Variants in PIK3AP1 observed in about 807,000 individuals in gnomAD.
The protein encoded by PIK3AP1 is phosphoinositide-3-kinase adaptor protein 1, also known as phosphoinositide 3-kinase adapter protein 1.
Under a neutral mutation model 88.1 loss-of-function variants are expected in PIK3AP1, and 21 were observed. That is an observed-to-expected ratio of 0.24 (90% CI 0.17 to 0.34). PIK3AP1 has a LOEUF of 0.34. PIK3AP1 is among the 10% of genes least tolerant of loss of function. The pLI is 1.00. For missense variants in PIK3AP1, 828 were observed against 1,035.7 expected, an observed-to-expected ratio of 0.80 and a Z score of 2.75; for synonymous variants, 398 against 400.0, an observed-to-expected ratio of 1.00 and a Z score of 0.06.
chr10:96,671,097 G>A (rs1843839909), intron 2 of PIK3AP1, among the ~76,000 whole-genome samples: 1 of 152,188 alleles, frequency 6.6e-6, no homozygotes, highest in South Asian at 2.1e-4. Flanking sequence ...TGTTTACACT[G>A]GCTATTTCCT....
chr10:96,662,618 C>T (rs4919051), intron 2 of PIK3AP1, among the ~76,000 whole-genome samples: 9,698 of 150,942 alleles, frequency 0.064, 571 homozygotes, highest in Admixed American at 0.17. Flanking sequence ...CGGTGGCTCA[C>T]GCCTGTAATC....
At chr10:96,713,339 T>C (rs369871167) in intron 1 of PIK3AP1, among the ~76,000 whole-genome samples, 8 of 136,140 alleles carry the variant, frequency 5.9e-5, no homozygotes, top group African/African-American at 1.3e-4. Context: ...CTATTAAAAA[T>C]ACAAAAAAAA....
intron 13 of PIK3AP1, among the ~76,000 whole-genome samples, chr10:96,615,879 A>G (rs1239783997): frequency 2.0e-5 from 3 of 151,434 alleles, no homozygotes; most frequent in Non-Finnish European, 2.9e-5. Context: ...AGCTGTGCAC[A>G]AACAGGGCTA....
intron 2 of PIK3AP1, among the ~76,000 whole-genome samples, chr10:96,683,474 A>G (rs1844028585): frequency 6.6e-6 from 1 of 152,244 alleles, no homozygotes; most frequent in African/African-American, 2.4e-5. Flanking sequence ...AAATGTACTG[A>G]CAAAAAAAAA....
chr10:96,602,448 A>G (rs778675184), intron 15 of PIK3AP1, 50 bp from the exon 16 acceptor site: 2 of 1,486,398 alleles, frequency 1.3e-6, no homozygotes, highest in South Asian at 1.1e-5. Flanking sequence ...TTCAGCAACC[A>G]GCATAGCTGG....
intron 7 of PIK3AP1, among the ~76,000 whole-genome samples, chr10:96,645,891 C>T (rs1843452885): frequency 1.3e-5 from 2 of 152,178 alleles, no homozygotes; most frequent in African/African-American, 2.4e-5. Context: ...TATCTTCCTA[C>T]AACACTAAGC....
chr10:96,628,183 T>C (rs1843178797), intron 9 of PIK3AP1, among the ~76,000 whole-genome samples: 1 of 152,104 alleles, frequency 6.6e-6, no homozygotes, highest in African/African-American at 2.4e-5. Context: ...AACAAGTGGC[T>C]CCACTGGTTG....
intron 16 of PIK3AP1, among the ~76,000 whole-genome samples, chr10:96,599,117 G>A (rs1346272988): frequency 6.6e-6 from 1 of 152,178 alleles, no homozygotes; most frequent in Non-Finnish European, 1.5e-5. Flanking sequence ...GGAAAGGAGG[G>A]CGGATCTGAC....
intron 6 of PIK3AP1, among the ~76,000 whole-genome samples, chr10:96,650,539 C>A (rs1843522896): frequency 6.6e-6 from 1 of 152,198 alleles, no homozygotes; most frequent in Non-Finnish European, 1.5e-5. Context: ...CCAGCCCTCA[C>A]TGAGCGGACA....
chr10:96,606,250 G>A (rs892217135), intron 14 of PIK3AP1, among the ~76,000 whole-genome samples: 1 of 152,076 alleles, frequency 6.6e-6, no homozygotes, highest in Non-Finnish European at 1.5e-5. Flanking sequence ...CAGGACAAAT[G>A]CTATCAAAAC....
intron 2 of PIK3AP1, among the ~76,000 whole-genome samples, chr10:96,688,906 A>G: frequency 6.6e-6 from 1 of 151,806 alleles, no homozygotes; most frequent in Middle Eastern, 3.2e-3. Flanking sequence ...CCCATCTTTC[A>G]CGTAGGTAGG....
intron 11 of PIK3AP1, among the ~76,000 whole-genome samples, 174 bp downstream of exon 11, chr10:96,623,298 A>G (rs996150987): frequency 2.6e-5 from 4 of 152,068 alleles, no homozygotes; most frequent in African/African-American, 9.7e-5. Flanking sequence ...CCTGGCCTCG[A>G]GTGATTCACC....
At position 96,720,088 on chromosome 10, in the gene PIK3AP1, C is replaced by A. The variant is rs566931727; in HGVS notation, c.13+294G>T. ...TTCAGAGTCGGAGGGACAGGGGAAG[C>A]GACGCTCAGACACTCCTAGGGCCAG... is the stretch of plus-strand genomic sequence containing the variant. On this transcript the variant is annotated intron_variant, in intron 1 of 16. Transcript: ENST00000339364. This position sits in a 1 kb window ranked among gnomAD's most constrained non-coding sequence, Gnocchi z 4.6. Among the ~76,000 whole-genome samples, 1 of 152,118 alleles carries A rather than the reference C, an allele frequency of 6.6e-6. No individual in the cohort carries two copies. The highest frequency in any genetic ancestry group is 6.5e-5 in the Admixed American group (1 of 15,280).
At chr10:96,597,263 TTTCTTTCTTTCC>T (rs1564947911) in intron 16 of PIK3AP1, among the ~76,000 whole-genome samples, 3 of 143,502 alleles carry the variant, frequency 2.1e-5, no homozygotes, top group Admixed American at 1.4e-4. Context: ...TTTTTCTTTC[TTTCTTTCTTTCC>T]TTCCTTCCTT....
chr10:96,655,648 TG>T (rs921028953), intron 3 of PIK3AP1, among the ~76,000 whole-genome samples: 1 of 152,070 alleles, frequency 6.6e-6, no homozygotes, highest in Admixed American at 6.6e-5. Context: ...GATTGAATTA[TG>T]GGGGGGCGGG....
chr10:96,628,594 T>C (rs1170147443), intron 8 of PIK3AP1, 101 bp from the exon 9 acceptor site: 16 of 928,750 alleles, frequency 1.7e-5, no homozygotes, highest in Admixed American at 3.8e-5. Context: ...TCTTAAGAGA[T>C]TCAAGCATTC....
intron 8 of PIK3AP1, among the ~76,000 whole-genome samples, chr10:96,644,735 A>C (rs1268266922): frequency 6.6e-6 from 1 of 152,188 alleles, no homozygotes; most frequent in Admixed American, 6.5e-5. Context: ...CTCGCCCCCC[A>C]AAAAATCTGC....
At chr10:96,633,882 G>C (rs1480251796) in intron 8 of PIK3AP1, among the ~76,000 whole-genome samples, 1 of 152,182 alleles carries the variant, frequency 6.6e-6, no homozygotes, top group Admixed American at 6.5e-5. Context: ...TTACAATAGA[G>C]TTATTTATGG....
intron 8 of PIK3AP1, among the ~76,000 whole-genome samples, chr10:96,642,088 C>T (rs1589508206): frequency 6.6e-6 from 1 of 151,974 alleles, no homozygotes; most frequent in Non-Finnish European, 1.5e-5. Flanking sequence ...CAAACCAAAC[C>T]ATGTCTAGAG....
Sources: gnomAD v4.1 joint callset for allele counts (sites outside exome capture counted in the v4.1 genomes callset) on GRCh38, gnomAD v4.1.1 for gene constraint, Gnocchi (gnomAD v3.1) non-coding constraint, MANE v1.5 for transcripts, NCBI Gene and HGNC (gene_info 2026-07-23, HGNC 2026-07-21) for gene names.